The following TBCK variants were observed in gnomAD, a reference collection of about 807,000 sequenced individuals.
TBCK encodes TBC domain-containing protein kinase-like protein.
TBCK carries 99 observed loss-of-function variants against 113.4 expected under a neutral mutation model. That is an observed-to-expected ratio of 0.87 (90% confidence interval 0.74 to 1.03). The LOEUF (loss-of-function observed/expected upper bound fraction) is 1.03. Among genes scored for constraint, TBCK ranks in the 50% least tolerant of loss-of-function variants. The pLI, the probability that TBCK is intolerant of heterozygous loss-of-function variation, is 0.00. For synonymous variants in TBCK, 369 were observed against 370.8 expected (o/e 1.00, Z 0.05); for missense variants, 1,045 against 1,061.3 (o/e 0.98, Z 0.21).
chr4:106,205,585 TACAAAAA>T (rs1755387940), intron 20 of TBCK, among the ~76,000 whole-genome samples: 1 of 948 alleles, frequency 1.1e-3, no homozygotes, highest in African/African-American at 6.3e-3. Context: ...CCACTAAAAA[TACAAAAA>T]AAAAAAAAAA....
At chr4:106,161,205 GTGTAT>G (rs923710154) in intron 23 of TBCK, among the ~76,000 whole-genome samples, 1 of 152,060 alleles carries the variant, frequency 6.6e-6, no homozygotes, top group African/African-American at 2.4e-5. Context: ...TTTACGTTGT[GTGTAT>G]TTTTATCACA....
chr4:106,255,217 G>C lies in TBCK; in HGVS notation c.456-3210C>G, dbSNP rs1761854608. On this transcript the variant is annotated intron_variant, in intron 5 of 25. Transcript: ENST00000394708. ...TTTTTCCATAAAGGAACATATCACG[G>C]GATTTTGTGGTGTCACTTTGTCAGG... 2.6e-5 allele frequency among the ~76,000 whole-genome samples: 4 copies of C among 152,276 alleles called. 1 individual carries two copies. In the South Asian group the frequency reaches 8.3e-4, roughly 32 times the overall value.
At chr4:106,288,219 C>T (rs886920236) in intron 3 of TBCK, among the ~76,000 whole-genome samples, 1 of 152,004 alleles carries the variant, frequency 6.6e-6, no homozygotes, top group South Asian at 2.1e-4. Context: ...CACGGTGCAA[C>T]CCTGTCTGTA....
chr4:106,191,248 G>A (rs1464974757), intron 22 of TBCK, among the ~76,000 whole-genome samples: 4 of 152,288 alleles, frequency 2.6e-5, no homozygotes, highest in East Asian at 1.9e-4. Flanking sequence ...AGGGACTTGA[G>A]CATTTGTGGA....
Position 106,171,141 on chromosome 4 carries a change from G to A in TBCK, c.2189C>T (p.Ala730Val). The A allele has an allele frequency of 6.2e-7, 1 of 1,612,714 alleles. No homozygotes were observed. ...SSDSSGGRSS[A>V]PYFSAECPDP... is the part of the protein sequence containing the mutation. Reference sequence around the variant, plus strand: ...TGGACACTCAGCAGAGAAATAAGGTGCCGAACTTCTGCCTCCACTGCTGTC... The same window carrying A: ...TGGACACTCAGCAGAGAAATAAGGTACCGAACTTCTGCCTCCACTGCTGTC... The change falls in exon 23 of 26, where the codon GCA becomes GTA. Residue 730 changes from alanine (A) to valine (V), a missense_variant. Ala to Val is a moderately conservative substitution (Grantham distance 64). Transcript: ENST00000394708.
chr4:106,180,780 A>T (rs1752267384), intron 22 of TBCK, among the ~76,000 whole-genome samples: 1 of 152,092 alleles, frequency 6.6e-6, no homozygotes, highest in Non-Finnish European at 1.5e-5. Flanking sequence ...CCAGTCTATC[A>T]TTGATGGACA....
At chr4:106,224,672 C>G (rs1758044745) in intron 19 of TBCK, among the ~76,000 whole-genome samples, 1 of 152,108 alleles carries the variant, frequency 6.6e-6, no homozygotes, top group Non-Finnish European at 1.5e-5. Context: ...AACCAATATA[C>G]AGTGTACTGT....
At chr4:106,315,108 C>A (rs1426597377) in intron 1 of TBCK, among the ~76,000 whole-genome samples, 1 of 152,090 alleles carries the variant, frequency 6.6e-6, no homozygotes, top group Admixed American at 6.5e-5. Flanking sequence ...CATTCACTTA[C>A]ACCTCGTGAG....
Position 106,247,236 on chromosome 4 carries a change from A to G in TBCK, c.834T>C (p.Pro278=). The change falls in exon 10 of 26, where the codon CCT becomes CCC. Residue 278 remains proline (P), a synonymous_variant. Coordinates refer to ENST00000394708, the MANE Select transcript of TBCK (RefSeq NM_001163435.3). ...MKDKVFSEVS[P]LYTPFTKPAS... ...CAGGTTTGGTAAAGGGGGTATATAA[A>G]GGTGATACCTCACTGAATACTTTGT... 1 of 1,612,632 alleles carries G rather than the reference A, an allele frequency of 6.2e-7. No homozygotes were observed. Among genetic ancestry groups the G allele is most frequent in the Non-Finnish European group, 8.5e-7 (1 of 1,178,906 alleles).
intron 25 of TBCK, 98 bp downstream of exon 25, chr4:106,095,384 G>A (rs1234862997): frequency 8.7e-7 from 1 of 1,154,180 alleles, no homozygotes; most frequent in Middle Eastern, 2.3e-4. Context: ...TAGTATTTGT[G>A]ACCAACTCCT....
intron 3 of TBCK, among the ~76,000 whole-genome samples, chr4:106,285,587 C>G (rs931321860): frequency 1.3e-5 from 2 of 152,032 alleles, no homozygotes; most frequent in Non-Finnish European, 2.9e-5. Flanking sequence ...AAATTTCTTA[C>G]CAAATATTTA....
intron 19 of TBCK, among the ~76,000 whole-genome samples, chr4:106,214,757 A>C (rs1459007224): frequency 6.6e-6 from 1 of 151,384 alleles, no homozygotes; most frequent in Non-Finnish European, 1.5e-5. Flanking sequence ...CCTGAAAGTG[A>C]TGGGGAGAAT....
chr4:106,255,394 G>C (rs1477770801), intron 5 of TBCK, among the ~76,000 whole-genome samples: 1 of 152,222 alleles, frequency 6.6e-6, no homozygotes, highest in Non-Finnish European at 1.5e-5. Flanking sequence ...GGCGTGGCAA[G>C]GGGTGTATGA....
intron 10 of TBCK, among the ~76,000 whole-genome samples, 185 bp from the exon 11 acceptor site, chr4:106,244,949 A>T (rs1760603917): frequency 2.0e-5 from 3 of 152,170 alleles, no homozygotes; most frequent in Admixed American, 2.0e-4. Flanking sequence ...AAAGTTGAAC[A>T]GACTGAAAAA....
chr4:106,071,064 A>AT (rs1425724638), intron 25 of TBCK, among the ~76,000 whole-genome samples: 5 of 152,048 alleles, frequency 3.3e-5, no homozygotes, highest in Non-Finnish European at 5.9e-5. Context: ...GGATTCAGTG[A>AT]TTTTTTGAAA....
intron 23 of TBCK, among the ~76,000 whole-genome samples, chr4:106,118,933 A>G (rs781684919): frequency 1.1e-4 from 17 of 152,236 alleles, no homozygotes; most frequent in Non-Finnish European, 2.2e-4. Flanking sequence ...GTGTATGTGT[A>G]AAGAACTTTA....
intron 3 of TBCK, among the ~76,000 whole-genome samples, chr4:106,278,056 T>C (rs745367873): frequency 2.6e-5 from 4 of 151,236 alleles, no homozygotes; most frequent in Non-Finnish European, 4.4e-5. Context: ...TCTAGGTATA[T>C]TGCATAATTA....
At chr4:106,240,079 T>C (rs1412193704) in intron 12 of TBCK, among the ~76,000 whole-genome samples, 1 of 151,868 alleles carries the variant, frequency 6.6e-6, no homozygotes, top group East Asian at 1.9e-4. Context: ...TGGCTCAACA[T>C]TGAAAAACCC....
At chr4:106,276,296 T>A (rs542029079) in intron 3 of TBCK, among the ~76,000 whole-genome samples, 1 of 152,326 alleles carries the variant, frequency 6.6e-6, no homozygotes, top group East Asian at 1.9e-4. Flanking sequence ...AAAACTATAA[T>A]GATTCTAGAA....
Sources: allele counts gnomAD v4.1 joint callset (sites outside exome capture counted in the v4.1 genomes callset), GRCh38; gene constraint gnomAD v4.1.1; transcripts MANE v1.5; gene names NCBI Gene and HGNC (gene_info 2026-07-23, HGNC 2026-07-21).